CD84: variants seen among roughly 807,000 people sequenced by gnomAD.
CD84 encodes SLAM family member 5.
A neutral mutation model predicts 33.8 loss-of-function variants in CD84; 22 were observed. The ratio of observed to expected loss-of-function variants is 0.65; its 90% CI spans 0.46 to 0.93. The LOEUF (loss-of-function observed/expected upper bound fraction) is 0.93, where lower values mean the gene tolerates loss of function less well. CD84 is among the 40% of genes least tolerant of loss of function. CD84 has a pLI of 0.00. For missense variants in CD84, 400 were observed against 397.6 expected, an observed-to-expected ratio of 1.01 and a Z score of -0.05; for synonymous variants, 154 against 145.2, an observed-to-expected ratio of 1.06 and a Z score of -0.44.
intron 4 of CD84, chr1:160,552,661 C>G: frequency 7.2e-7 from 1 of 1,389,930 alleles, no homozygotes; most frequent in South Asian, 1.2e-5. Context: ...AACTCCCCAT[C>G]CCTCCCAATT....
intron 2 of CD84, among the ~76,000 whole-genome samples, chr1:160,557,494 A>G (rs145788909): frequency 1.3e-5 from 2 of 152,350 alleles, no homozygotes; most frequent in East Asian, 3.9e-4. Flanking sequence ...CCTGAATTGC[A>G]TCTGTCACAA....
In CD84 at chr1:160,546,975, A is replaced by T; in HGVS notation, c.*1281T>A. Reference sequence around the variant, plus strand: ...GCAGCCCATTGCTGTCCAGCCTAGGACTATTCATTGGGATTTAGGAGTTAG... The same window carrying T: ...GCAGCCCATTGCTGTCCAGCCTAGGTCTATTCATTGGGATTTAGGAGTTAG... On this transcript the variant is annotated 3_prime_UTR_variant, in exon 7 of 7. Coordinates refer to ENST00000368054, the MANE Select transcript of CD84 (RefSeq NM_003874.4). 1 of 396,132 alleles carries T rather than the reference A, an allele frequency of 2.5e-6. No homozygotes were observed. The highest frequency in any genetic ancestry group is 4.4e-6 in the Non-Finnish European group (1 of 224,972). 24.5% of individuals were successfully genotyped at this position (396,132 alleles called of 1,614,324 possible).
rs550385047 is a variant in CD84, at chr1:160,557,623, T to C, written c.389-3477A>G. On this transcript the variant is annotated intron_variant, in intron 2 of 6. Coordinates refer to ENST00000368054, the MANE Select transcript of CD84 (RefSeq NM_003874.4). ...CTAGTGTTGCCCAAAAGAAATGTAA[T>C]GTGAGTCACTTATGTAATTTTAAAT... is the stretch of plus-strand genomic sequence containing the variant. 3.5e-4 allele frequency among the ~76,000 whole-genome samples: 54 copies of C among 152,388 alleles called. 1 individual carries two copies. Among genetic ancestry groups the C allele is most frequent in the Middle Eastern group, 3.4e-3 (1 of 294 alleles).
intron 1 of CD84, among the ~76,000 whole-genome samples, chr1:160,577,190 G>A (rs1011531203): frequency 2.6e-5 from 4 of 152,062 alleles, no homozygotes; most frequent in Non-Finnish European, 5.9e-5. Context: ...TCCTTATGTC[G>A]GTGATTTCTG....
chr1:160,578,535 T>C (rs1658112809), intron 1 of CD84, among the ~76,000 whole-genome samples: 1 of 152,184 alleles, frequency 6.6e-6, no homozygotes. Flanking sequence ...TTCTAACTCA[T>C]GCCAGAATTC....
intron 1 of CD84, among the ~76,000 whole-genome samples, chr1:160,569,538 A>ACGCACG (rs1553233847): frequency 2.3e-5 from 2 of 88,272 alleles, no homozygotes; most frequent in African/African-American, 7.2e-5. Flanking sequence ...ACACACACAC[A>ACGCACG]CACGCACGCA....
intron 4 of CD84, 169 bp downstream of exon 4, chr1:160,553,209 A>G (rs1656353385): frequency 9.2e-7 from 1 of 1,083,778 alleles, no homozygotes; most frequent in African/African-American, 1.6e-5. Context: ...ATTCAGGGTA[A>G]TGTCATACCA....
At chr1:160,575,838 G>T (rs576543048) in intron 1 of CD84, among the ~76,000 whole-genome samples, 3 of 152,152 alleles carry the variant, frequency 2.0e-5, no homozygotes, top group East Asian at 1.9e-4. Context: ...TGGCTGCCTT[G>T]TTGGCCTCCA....
At chr1:160,561,109 T>G (rs1179959553) in intron 2 of CD84, among the ~76,000 whole-genome samples, 1 of 152,064 alleles carries the variant, frequency 6.6e-6, no homozygotes, top group Non-Finnish European at 1.5e-5. Flanking sequence ...CTGGCATAAT[T>G]TCTACTAAAA....
chr1:160,578,365 G>C (rs967644933), intron 1 of CD84, among the ~76,000 whole-genome samples: 1 of 152,084 alleles, frequency 6.6e-6, no homozygotes, highest in Non-Finnish European at 1.5e-5. Flanking sequence ...ATTCTAGAGC[G>C]ACCAGCAGAG....
At chr1:160,562,555 T>C (rs1448908982) in intron 2 of CD84, among the ~76,000 whole-genome samples, 3 of 152,078 alleles carry the variant, frequency 2.0e-5, no homozygotes, top group Non-Finnish European at 2.9e-5. Flanking sequence ...CCTTATACCT[T>C]AAACAAAAAT....
At chr1:160,550,031 G>T in intron 5 of CD84, 52 bp from the exon 6 acceptor site, 2 of 1,080,294 alleles carry the variant, frequency 1.9e-6, no homozygotes, top group Non-Finnish European at 1.4e-6. Flanking sequence ...CCATCTACAA[G>T]TCCCCTTTCC....
rs1655525933 is a variant in CD84, at chr1:160,541,200, G to A, written c.*7056C>T. The A allele has an allele frequency of 6.6e-6, 1 of 152,126 alleles. No individual in the cohort carries two copies. Among genetic ancestry groups the A allele is most frequent in the South Asian group, 2.1e-4 (1 of 4,824 alleles). The allele number at this position is 152,126 out of a possible 1,614,324, so 9.4% of individuals were successfully genotyped here. On this transcript the variant is annotated 3_prime_UTR_variant, in exon 7 of 7. Transcript: ENST00000368054. Reference sequence around the variant, plus strand: ...AATTTATGAACCATACTTTATTAATGGGCATTTACAAATGCCTGAAATAAA... The same window carrying A: ...AATTTATGAACCATACTTTATTAATAGGCATTTACAAATGCCTGAAATAAA...
intron 2 of CD84, among the ~76,000 whole-genome samples, chr1:160,558,163 C>T (rs1423899091): frequency 1.3e-5 from 2 of 152,174 alleles, no homozygotes; most frequent in South Asian, 2.1e-4. Flanking sequence ...GGTCCCTGAT[C>T]CTGTTCCTCC....
In CD84 at chr1:160,542,811, T is replaced by A. The variant is rs188621587; in HGVS notation, c.*5445A>T. On this transcript the variant is annotated 3_prime_UTR_variant, in exon 7 of 7. Transcript: ENST00000368054. ...CTCAAGTCAGAATTCAGGACTTTTT[T>A]AATGGTCCTTTGTCGAAATGTATTA... The A allele has an allele frequency of 8.5e-4, 129 of 152,344 alleles. No homozygotes were observed. Among genetic ancestry groups the A allele is most frequent in the African/African-American group, 3.0e-3 (123 of 41,566 alleles). The allele number at this position is 152,344 out of a possible 1,614,324, so 9.4% of individuals were successfully genotyped here.
intron 1 of CD84, among the ~76,000 whole-genome samples, chr1:160,572,997 A>T (rs1657788635): frequency 6.6e-6 from 1 of 151,930 alleles, no homozygotes. Flanking sequence ...AATGCAATAC[A>T]CCTTTCTGTG....
At chr1:160,568,923 G>A (rs1657505160) in intron 1 of CD84, among the ~76,000 whole-genome samples, 1 of 152,152 alleles carries the variant, frequency 6.6e-6, no homozygotes, top group Non-Finnish European at 1.5e-5. Context: ...CTGAACCTCA[G>A]TTTCTTCATC....
chr1:160,570,588 T>C (rs1341330102), intron 1 of CD84, among the ~76,000 whole-genome samples: 2 of 152,170 alleles, frequency 1.3e-5, no homozygotes, highest in Non-Finnish European at 2.9e-5. Context: ...GAACCTGGCA[T>C]GGTGGCTCAC....
intron 1 of CD84, among the ~76,000 whole-genome samples, chr1:160,575,494 A>AACACACACACACACAC (rs3078967): frequency 2.6e-4 from 38 of 146,804 alleles, no homozygotes; most frequent in African/African-American, 9.0e-4. Flanking sequence ...GTTCCTTCAA[A>AACACACACACACACAC]ACACACACAC....
Sources: allele counts gnomAD v4.1 joint callset (sites outside exome capture counted in the v4.1 genomes callset), GRCh38; gene constraint gnomAD v4.1.1; transcripts MANE v1.5; gene names NCBI Gene and HGNC (gene_info 2026-07-23, HGNC 2026-07-21).